The following RPTOR variants were observed in gnomAD, a reference collection of about 807,000 sequenced individuals.
RPTOR encodes the protein regulatory-associated protein of mTOR.
In RPTOR, 21 loss-of-function variants were observed where a neutral mutation model predicts 169.9. The observed-to-expected ratio is 0.12, with a 90% confidence interval of 0.09 to 0.18. The LOEUF (loss-of-function observed/expected upper bound fraction) is 0.18, where lower values mean the gene tolerates loss of function less well. RPTOR is among the 10% of genes least tolerant of loss of function. The pLI is 1.00. For synonymous variants in RPTOR, 732 were observed against 753.2 expected (o/e 0.97, Z 0.46); for missense variants, 1,133 against 1,855.9 (o/e 0.61, Z 7.16).
intron 7 of RPTOR, among the ~76,000 whole-genome samples, chr17:80,795,342 C>G (rs556999219): frequency 6.6e-6 from 1 of 152,306 alleles, no homozygotes; most frequent in South Asian, 2.1e-4. Flanking sequence ...GGATGTTAGT[C>G]ATTTTCATCA....
chr17:80,822,446 C>T (rs1032116599), intron 8 of RPTOR, 145 bp downstream of exon 8: 7 of 791,098 alleles, frequency 8.8e-6, no homozygotes, highest in African/African-American at 5.1e-5. Context: ...AAGTAGAAGG[C>T]GACCACCTAA....
intron 9 of RPTOR, among the ~76,000 whole-genome samples, chr17:80,831,370 A>G (rs1360443620): frequency 2.0e-5 from 3 of 152,266 alleles, no homozygotes; most frequent in Non-Finnish European, 4.4e-5. Context: ...GGAGTCCGTT[A>G]TTGCAGAATT....
Position 80,963,050 on chromosome 17 carries a change from C to T in RPTOR, c.3932C>T (p.Pro1311Leu). Reference sequence around the variant, plus strand: ...GCCATCAGCTGCCTGGCCTTCCACCCGCACTGGGTCAGTGTGGCGGTGGGT... The same window carrying T: ...GCCATCAGCTGCCTGGCCTTCCACCTGCACTGGGTCAGTGTGGCGGTGGGT... ...VGAISCLAFH[P>L]HWPHLAVGSN... Residue 1311 changes from proline to leucine, a missense_variant, in exon 33 of 34, where the codon CCG becomes CTG. Physicochemically the swap from Pro to Leu is moderately conservative, Grantham distance 98 (BLOSUM62 -3). Transcript: ENST00000306801. 7.4e-7 allele frequency: 1 copy of T among 1,342,294 alleles called. No homozygotes were observed. Among genetic ancestry groups the T allele is most frequent in the Non-Finnish European group, 9.9e-7 (1 of 1,012,088 alleles). The allele number at this position is 1,342,294 out of a possible 1,614,324, so 83.1% of individuals were successfully genotyped here.
intron 32 of RPTOR, 47 bp downstream of exon 32, chr17:80,962,624 G>A: frequency 1.3e-6 from 2 of 1,530,664 alleles, no homozygotes; most frequent in Non-Finnish European, 1.8e-6. Flanking sequence ...CCCGCCTCGG[G>A]CCTCTGTGCA....
At chr17:80,712,971 G>A (rs1204541751) in intron 4 of RPTOR, among the ~76,000 whole-genome samples, 1 of 152,096 alleles carries the variant, frequency 6.6e-6, no homozygotes, top group African/African-American at 2.4e-5. Flanking sequence ...TCTTTGATGA[G>A]GTATCTCTTC....
At chr17:80,963,835 C>T (rs1303052508) in intron 33 of RPTOR, among the ~76,000 whole-genome samples, 2 of 152,142 alleles carry the variant, frequency 1.3e-5, no homozygotes, top group Non-Finnish European at 2.9e-5. Context: ...GAGTCCTCAC[C>T]CTGTCCCCTG....
At chr17:80,661,737 C>T (rs1361101154) in intron 3 of RPTOR, among the ~76,000 whole-genome samples, 2 of 151,840 alleles carry the variant, frequency 1.3e-5, no homozygotes. Flanking sequence ...TAGGATGGCG[C>T]ATGAGAGAGT....
chr17:80,807,392 T>C (rs909938110), intron 7 of RPTOR, among the ~76,000 whole-genome samples: 4 of 152,134 alleles, frequency 2.6e-5, no homozygotes, highest in African/African-American at 2.4e-5. Flanking sequence ...TCTTGTGGCC[T>C]AGGCTGGAGT....
intron 6 of RPTOR, among the ~76,000 whole-genome samples, chr17:80,780,271 C>T (rs866596291): frequency 6.6e-6 from 1 of 152,118 alleles, no homozygotes; most frequent in Non-Finnish European, 1.5e-5. Flanking sequence ...ACGTCAGCTT[C>T]CCTAAGTACA....
At chr17:80,786,806 C>T (rs905676870) in intron 6 of RPTOR, among the ~76,000 whole-genome samples, 6 of 152,190 alleles carry the variant, frequency 3.9e-5, no homozygotes, top group Non-Finnish European at 7.3e-5. Flanking sequence ...AAAACATGTA[C>T]GGAGGCAGCC....
At chr17:80,881,748 G>T (rs1219142480) in intron 14 of RPTOR, among the ~76,000 whole-genome samples, 1 of 152,242 alleles carries the variant, frequency 6.6e-6, no homozygotes, top group Non-Finnish European at 1.5e-5. Context: ...CTGAGCCCGG[G>T]GAAGTCAAGG....
intron 7 of RPTOR, among the ~76,000 whole-genome samples, chr17:80,818,501 G>T (rs2067346637): frequency 1.3e-5 from 2 of 152,130 alleles, no homozygotes; most frequent in South Asian, 4.1e-4. Flanking sequence ...GGTACAGAAA[G>T]GAAATCAGAA....
chr17:80,601,572 T>TTTTA (rs1491485204), intron 1 of RPTOR, among the ~76,000 whole-genome samples: 1 of 48,594 alleles, frequency 2.1e-5, no homozygotes, highest in East Asian at 4.5e-4. Flanking sequence ...TTTTTTTTTT[T>TTTTA]AAATTTATTT....
intron 5 of RPTOR, among the ~76,000 whole-genome samples, chr17:80,741,573 A>G (rs1382227579): frequency 6.6e-6 from 1 of 152,196 alleles, no homozygotes; most frequent in Non-Finnish European, 1.5e-5. Flanking sequence ...CTTGGGGTGC[A>G]GGACACAAGA....
chr17:80,586,578 G>C (rs1382564757), intron 1 of RPTOR, among the ~76,000 whole-genome samples: 1 of 152,230 alleles, frequency 6.6e-6, no homozygotes, highest in African/African-American at 2.4e-5. Flanking sequence ...CGCTCTGGCT[G>C]GGCAGGGTCC....
chr17:80,550,589 T>C (rs2084332620), intron 1 of RPTOR, among the ~76,000 whole-genome samples: 1 of 151,880 alleles, frequency 6.6e-6, no homozygotes, highest in African/African-American at 2.4e-5. Flanking sequence ...CTGCTTTTTC[T>C]TAGTTTTCTC....
At chr17:80,749,754 C>A (rs1386154927) in intron 5 of RPTOR, among the ~76,000 whole-genome samples, 1 of 152,098 alleles carries the variant, frequency 6.6e-6, no homozygotes, top group Non-Finnish European at 1.5e-5. Flanking sequence ...GCTCTGTCAC[C>A]CAGGCTGGAG....
At chr17:80,930,551 G>A (rs143820560) in intron 24 of RPTOR, among the ~76,000 whole-genome samples, 351 of 16,012 alleles carry the variant, frequency 0.022, 2 homozygotes, top group African/African-American at 0.066. Context: ...GGCTTCACCC[G>A]CCTCAGGAGG....
chr17:80,615,999 T>C (rs941991810), intron 1 of RPTOR, among the ~76,000 whole-genome samples: 1 of 152,110 alleles, frequency 6.6e-6, no homozygotes, highest in African/African-American at 2.4e-5. Context: ...AGAACAAAGC[T>C]CTGAGCATTC....
Sources: gnomAD v4.1 joint callset for allele counts (sites outside exome capture counted in the v4.1 genomes callset) on GRCh38, gnomAD v4.1.1 for gene constraint, MANE v1.5 for transcripts, NCBI Gene and HGNC (gene_info 2026-07-23, HGNC 2026-07-21) for gene names.